The following LARP1 variants were observed in gnomAD, a reference collection of about 807,000 sequenced individuals.
The protein encoded by LARP1 is la-related protein 1.
In LARP1, 36 loss-of-function variants were observed where a neutral mutation model predicts 122.7. That is an observed-to-expected ratio of 0.29 (90% CI 0.22 to 0.39). The LOEUF is 0.39. LARP1 is among the 10% of genes least tolerant of loss of function. The probability of loss-of-function intolerance (pLI) is 1.00; values close to 1 mark genes in which losing one functional copy is unlikely to be tolerated. For missense variants in LARP1, 1,040 were observed against 1,403.6 expected, an observed-to-expected ratio of 0.74 and a Z score of 4.14; for synonymous variants, 539 against 528.7, an observed-to-expected ratio of 1.02 and a Z score of -0.27.
rs1391589685 is a variant in LARP1, at chr5:154,793,986, G to T, written c.1055G>T (p.Arg352Leu). ...CGTGGTCGCGGCCGGGGACGCGGCC[G>T]GGGTGGCACTCGAAGTACGTGAGGC... ...RGRGRGRGRGRGGTRTHFDYQ... is the reference protein window; with the variant it reads ...RGRGRGRGRGLGGTRTHFDYQ... The change falls in exon 6 of 19, where the codon CGG becomes CTG. Residue 352 changes from arginine (R) to leucine (L), a missense_variant. Physicochemically the swap from Arg to Leu is moderately radical, Grantham distance 102. Transcript: ENST00000518297. 4 of 1,610,388 alleles carry T rather than the reference G, an allele frequency of 2.5e-6. No homozygotes were observed. The highest frequency in any genetic ancestry group is 1.6e-4 in the Middle Eastern group (1 of 6,070).
intron 1 of LARP1, among the ~76,000 whole-genome samples, chr5:154,724,749 T>C (rs115653270): frequency 0.01 from 1,584 of 151,830 alleles, 29 homozygotes; most frequent in African/African-American, 0.036. Flanking sequence ...CACTGCAGCC[T>C]TGAGCTTCCC....
At chr5:154,736,355 C>T (rs1369884769) in intron 1 of LARP1, among the ~76,000 whole-genome samples, 1 of 151,438 alleles carries the variant, frequency 6.6e-6, no homozygotes, top group Non-Finnish European at 1.5e-5. Flanking sequence ...CTCAGCCTCC[C>T]AAAGTGCTGG....
intron 1 of LARP1, among the ~76,000 whole-genome samples, chr5:154,725,771 G>A (rs1287799385): frequency 6.6e-6 from 1 of 152,096 alleles, no homozygotes; most frequent in Non-Finnish European, 1.5e-5. Context: ...ATGAGGCTGG[G>A]GAATAGAATA....
At chr5:154,812,453 CCTT>C (rs1269744703) in intron 18 of LARP1, among the ~76,000 whole-genome samples, 1 of 150,864 alleles carries the variant, frequency 6.6e-6, no homozygotes, top group South Asian at 2.1e-4. Context: ...GCAAATACAT[CCTT>C]CTTCACATGG....
intron 1 of LARP1, among the ~76,000 whole-genome samples, chr5:154,723,089 A>C (rs1219961010): frequency 6.6e-6 from 1 of 152,186 alleles, no homozygotes; most frequent in African/African-American, 2.4e-5. Context: ...GCCTGAACGA[A>C]AGCCAACATC....
At chr5:154,799,565 C>T (rs1488943161) in intron 8 of LARP1, 26 bp from the exon 9 acceptor site, 8 of 1,610,232 alleles carry the variant, frequency 5.0e-6, no homozygotes, top group Middle Eastern at 1.7e-4. Context: ...TCTTCTTAAT[C>T]CCCTCTTCCT....
chr5:154,786,987 C>G (rs1007930172), intron 1 of LARP1, among the ~76,000 whole-genome samples: 1 of 151,672 alleles, frequency 6.6e-6, no homozygotes, highest in African/African-American at 2.4e-5. Flanking sequence ...TCAAGTGATT[C>G]TCCCACCTCA....
At chr5:154,774,506 C>T (rs2113681272) in intron 1 of LARP1, among the ~76,000 whole-genome samples, 1 of 152,326 alleles carries the variant, frequency 6.6e-6, no homozygotes, top group Admixed American at 6.5e-5. Context: ...GTCTAAGGCA[C>T]CATCTTTTCA....
intron 1 of LARP1, among the ~76,000 whole-genome samples, chr5:154,686,223 C>T (rs941788743): frequency 6.6e-6 from 1 of 152,172 alleles, no homozygotes; most frequent in Non-Finnish European, 1.5e-5. Flanking sequence ...CAACTGTGGG[C>T]ATAGGATGAG....
Position 154,795,191 on chromosome 5 carries a change from G to A in LARP1, c.1249G>A (p.Val417Met), listed in dbSNP as rs200946457. 13 of 1,614,034 alleles carry A rather than the reference G, an allele frequency of 8.1e-6. No individual in the cohort carries two copies. The highest frequency in any genetic ancestry group is 1.3e-5 in the African/African-American group (1 of 75,042). Residue 417 changes from valine (V) to methionine (M), a missense_variant, in exon 8 of 19, where the codon GTG becomes ATG. Around this residue, in one of 8 missense-constraint regions of LARP1, gnomAD observed 362 missense variants for 533.1 expected, o/e 0.68. Transcript: ENST00000518297. ...IKRQIEYYFS[V>M]DNLERDFFLR... Reference sequence around the variant, plus strand: ...TCCACTTAGTGAATACTACTTCAGCGTGGACAATTTAGAGCGAGACTTCTT... The same window carrying A: ...TCCACTTAGTGAATACTACTTCAGCATGGACAATTTAGAGCGAGACTTCTT...
chr5:154,799,896 G>A lies in LARP1; in HGVS notation c.1570G>A (p.Ala524Thr), dbSNP rs144624261. ...AGAGTCGGCACCTGGCTCTCCTCGT[G>A]CAGTCACCCCAGTGCCAACCAAAAC... ...ETESAPGSPR[A>T]VTPVPTKTEE... Residue 524 changes from alanine (A) to threonine (T), a missense_variant, in exon 10 of 19, where the codon GCA becomes ACA. Ala to Thr is a moderately conservative substitution (Grantham distance 58). Coordinates refer to ENST00000518297, the MANE Select transcript of LARP1 (RefSeq NM_033551.3). The A allele has an allele frequency of 7.4e-6, 12 of 1,613,900 alleles. No homozygotes were observed. Among genetic ancestry groups the A allele is most frequent in the Non-Finnish European group, 8.5e-6 (10 of 1,179,966 alleles).
At chr5:154,722,998 C>CCTAGG in intron 1 of LARP1, among the ~76,000 whole-genome samples, 1 of 152,274 alleles carries the variant, frequency 6.6e-6, no homozygotes, top group East Asian at 1.9e-4. Flanking sequence ...TAGGTTTTAA[C>CCTAGG]TCTTCTCTGC....
At chr5:154,774,082 C>T (rs954486305) in intron 1 of LARP1, among the ~76,000 whole-genome samples, 7 of 150,416 alleles carry the variant, frequency 4.7e-5, no homozygotes, top group African/African-American at 1.7e-4. Flanking sequence ...CACACCTAAA[C>T]CGGTGCCTCA....
chr5:154,761,503 C>T (rs947693823), intron 1 of LARP1, among the ~76,000 whole-genome samples: 16 of 152,084 alleles, frequency 1.1e-4, no homozygotes, highest in African/African-American at 3.6e-4. Flanking sequence ...ACTACAAAAC[C>T]TCTTTAAGAT....
At chr5:154,813,766 G>A (rs910522352) in intron 18 of LARP1, 121 bp from the exon 19 acceptor site, 6 of 826,608 alleles carry the variant, frequency 7.3e-6, no homozygotes, top group African/African-American at 1.7e-5. Context: ...TTATTTTTAA[G>A]GTTAAACCCA....
chr5:154,684,090 C>T (rs143433139), intron 1 of LARP1, among the ~76,000 whole-genome samples: 1 of 152,238 alleles, frequency 6.6e-6, no homozygotes, highest in African/African-American at 2.4e-5. Context: ...TGCCACTTTG[C>T]TTGGATTATT....
rs373450240 is a variant in LARP1 at position 154,749,343 on chromosome 5, GGTGA to G, written c.205+36217_205+36220del. On this transcript the variant is annotated intron_variant, in intron 1 of 18. Transcript: ENST00000336314. Reference sequence around the variant, plus strand: ...ATGGTGCTTGTTTCCGACTCAGAGGGGTGAGTGTGTTAAAAGTTATTTATCAGAC... The same window carrying G: ...ATGGTGCTTGTTTCCGACTCAGAGGGGTGTGTTAAAAGTTATTTATCAGAC... 4.6e-5 allele frequency among the ~76,000 whole-genome samples: 7 copies of G among 152,280 alleles called. No homozygotes were observed. The East Asian group carries it at 1.3e-3, about 29-fold the overall frequency.
chr5:154,685,367 C>T (rs562723493), intron 1 of LARP1, among the ~76,000 whole-genome samples: 2 of 152,300 alleles, frequency 1.3e-5, no homozygotes, highest in South Asian at 2.1e-4. Flanking sequence ...CAACGGCCAC[C>T]TATTAGGTCC....
intron 8 of LARP1, among the ~76,000 whole-genome samples, chr5:154,795,911 TTATTA>T (rs1561615080): frequency 6.7e-4 from 82 of 122,232 alleles, no homozygotes; most frequent in African/African-American, 2.5e-3. Context: ...TATTATATAT[TTATTA>T]TATATTTATA....
Sources: allele counts gnomAD v4.1 joint callset (sites outside exome capture counted in the v4.1 genomes callset), GRCh38; gene constraint gnomAD v4.1.1; regional missense constraint gnomAD v4.1.1; transcripts MANE v1.5; gene names NCBI Gene and HGNC (gene_info 2026-07-23, HGNC 2026-07-21).